ACAP2: variants seen among roughly 807,000 people sequenced by gnomAD.
ACAP2 encodes the protein ArfGAP with coiled-coil, ankyrin repeat and PH domains 2, also known as arf-GAP with coiled-coil, ANK repeat and PH domain-containing protein 2.
In ACAP2, 39 loss-of-function variants were observed where a neutral mutation model predicts 115.8. The observed-to-expected ratio is 0.34, with a 90% CI of 0.26 to 0.44. The LOEUF (loss-of-function observed/expected upper bound fraction) is 0.44, where lower values mean the gene tolerates loss of function less well. Among genes scored for constraint, ACAP2 ranks in the 20% least tolerant of loss-of-function variants. The pLI, the probability that ACAP2 is intolerant of heterozygous loss-of-function variation, is 1.00. For missense variants in ACAP2, 662 were observed against 927.6 expected (o/e 0.71, Z 3.72); for synonymous variants, 289 against 315.8 (o/e 0.92, Z 0.90).
chr3:195,410,944 A>G, intron 1 of ACAP2: 1 of 348,488 alleles, frequency 2.9e-6, no homozygotes, highest in South Asian at 2.2e-5. Context: ...TTGAAAGCAG[A>G]GATAGCTGGC....
chr3:195,372,987 C>CAAAAAAAAAAAAAAAAAAAA (rs869134113), intron 4 of ACAP2, among the ~76,000 whole-genome samples: 16 of 17,768 alleles, frequency 9.0e-4, no homozygotes, highest in African/African-American at 1.3e-3. Context: ...GACTCCATCT[C>CAAAAAAAAAAAAAAAAAAAA]AAAAAAAAAA....
chr3:195,374,995 C>T (rs542567798), intron 4 of ACAP2, among the ~76,000 whole-genome samples: 1 of 152,122 alleles, frequency 6.6e-6, no homozygotes, highest in East Asian at 1.9e-4. Flanking sequence ...AGTTAGAGAC[C>T]AGCTTGGCCA....
Position 195,277,498 on chromosome 3 carries a change from C to T in ACAP2, c.*1830G>A, listed in dbSNP as rs1241459614. ...TTATCCTTATCTAACATACAGTGAC[C>T]ATTACTAAATAAGCATTACATGCAT... On this transcript the variant is annotated 3_prime_UTR_variant, in exon 23 of 23. Coordinates refer to ENST00000326793, the MANE Select transcript of ACAP2 (RefSeq NM_012287.6). 6.6e-6 allele frequency: 1 copy of T among 152,106 alleles called. No homozygotes were observed. The highest frequency in any genetic ancestry group is 2.4e-5 in the African/African-American group (1 of 41,422). 9.4% of individuals were successfully genotyped at this position (152,106 alleles called of 1,614,324 possible).
intron 4 of ACAP2, among the ~76,000 whole-genome samples, chr3:195,378,802 A>C (rs1366664593): frequency 6.6e-6 from 1 of 151,182 alleles, no homozygotes; most frequent in Non-Finnish European, 1.5e-5. Context: ...CGGAGGCTGC[A>C]GTGAGCCAAG....
intron 1 of ACAP2, among the ~76,000 whole-genome samples, chr3:195,415,617 A>G (rs551695854): frequency 1.3e-5 from 2 of 152,294 alleles, no homozygotes; most frequent in South Asian, 2.1e-4. Context: ...TCAGCCAAAA[A>G]AGGTAAGTTC....
intron 9 of ACAP2, among the ~76,000 whole-genome samples, chr3:195,322,883 AT>A (rs1236033291): frequency 2.0e-5 from 3 of 152,246 alleles, no homozygotes; most frequent in Non-Finnish European, 4.4e-5. Context: ...ATCAGCTAAT[AT>A]TTTGTAGTAC....
intron 10 of ACAP2, among the ~76,000 whole-genome samples, chr3:195,317,908 A>G (rs1374787909): frequency 6.6e-6 from 1 of 152,184 alleles, no homozygotes; most frequent in Non-Finnish European, 1.5e-5. Context: ...TTCATAAGTG[A>G]TAAGGACTGG....
In ACAP2 at chr3:195,345,252, G is replaced by C. The variant is rs925317258; in HGVS notation, c.344+7C>G. On this transcript the variant is annotated splice_region_variant and intron_variant, in intron 5 of 22. Coordinates refer to ENST00000326793, the MANE Select transcript of ACAP2 (RefSeq NM_012287.6). ...ATTTTCTTTCCTCTTCACCGCAATT[G>C]ACTTACTCTTTAACAAAGTTCTGAA... 1.2e-6 allele frequency: 2 copies of C among 1,603,384 alleles called. No individual in the cohort carries two copies. The highest frequency in any genetic ancestry group is 1.1e-5 in the South Asian group (1 of 90,444).
In ACAP2 at chr3:195,336,726, G is replaced by T. The variant is rs1276947775; in HGVS notation, c.573+206C>A. Reference sequence around the variant, plus strand: ...AGTCTACCTTTATGGACCTCACAGTGTATCAACAGATGAGACACACAAACA... The same window carrying T: ...AGTCTACCTTTATGGACCTCACAGTTTATCAACAGATGAGACACACAAACA... On this transcript the variant is annotated intron_variant, in intron 7 of 22. Transcript: ENST00000326793. The T allele has an allele frequency of 8.7e-6, 5 of 577,138 alleles. No individual in the cohort carries two copies. In the East Asian group the frequency reaches 1.2e-4, roughly 14 times the overall value. 35.8% of individuals were successfully genotyped at this position (577,138 alleles called of 1,614,324 possible).
chr3:195,402,973 T>C (rs972645684), intron 1 of ACAP2, among the ~76,000 whole-genome samples: 3 of 152,186 alleles, frequency 2.0e-5, no homozygotes, highest in East Asian at 1.9e-4. Context: ...CTATAAACAG[T>C]AAACATCATC....
At chr3:195,382,610 G>C (rs1734023361) in intron 2 of ACAP2, among the ~76,000 whole-genome samples, 1 of 151,836 alleles carries the variant, frequency 6.6e-6, no homozygotes, top group African/African-American at 2.4e-5. Flanking sequence ...TTAAAAAACA[G>C]ATAAAAGTGA....
intron 1 of ACAP2, among the ~76,000 whole-genome samples, chr3:195,434,600 AT>A (rs1715391320): frequency 6.6e-6 from 1 of 152,154 alleles, no homozygotes; most frequent in Admixed American, 6.5e-5. Flanking sequence ...TGGACTAATG[AT>A]TAGGAATCTC....
At chr3:195,300,816 A>T (rs1401646228) in intron 15 of ACAP2, among the ~76,000 whole-genome samples, 1 of 152,188 alleles carries the variant, frequency 6.6e-6, no homozygotes, top group African/African-American at 2.4e-5. Context: ...CAGGAGTACA[A>T]GGCCAGTCTG....
chr3:195,368,154 TTGTTTC>T (rs1732858266), intron 4 of ACAP2, among the ~76,000 whole-genome samples: 1 of 152,188 alleles, frequency 6.6e-6, no homozygotes, highest in Admixed American at 6.5e-5. Flanking sequence ...GGTTTTTTGT[TTGTTTC>T]TGTTTCTGAG....
At chr3:195,380,883 G>A (rs1358527959) in intron 4 of ACAP2, 126 bp downstream of exon 4, 2 of 780,682 alleles carry the variant, frequency 2.6e-6, no homozygotes, top group Non-Finnish European at 4.2e-6. Flanking sequence ...GATTCACCCA[G>A]CTAAAAAGTT....
At chr3:195,323,686 T>C (rs1577299975) in intron 9 of ACAP2, among the ~76,000 whole-genome samples, 1 of 152,154 alleles carries the variant, frequency 6.6e-6, no homozygotes, top group East Asian at 1.9e-4. Context: ...TCTCACTTAT[T>C]TGTGGGATCT....
intron 4 of ACAP2, among the ~76,000 whole-genome samples, chr3:195,349,067 GC>G (rs1389784768): frequency 0.021 from 20 of 962 alleles, no homozygotes; most frequent in Admixed American, 0.089. Context: ...TATGGAACCT[GC>G]AAAAAAAAAA....
rs971914038 is a variant in ACAP2 at position 195,418,132 on chromosome 3, C to T, written c.53+24663G>A. 5.3e-5 allele frequency among the ~76,000 whole-genome samples: 8 copies of T among 152,048 alleles called. No homozygotes were observed. In the South Asian group the frequency reaches 1.7e-3, roughly 32 times the overall value. On this transcript the variant is annotated intron_variant, in intron 1 of 22. Transcript: ENST00000326793. The stretch of plus-strand genomic sequence containing the variant: ...ACTTACAGTTCTCTCTGCCAGAAGC[C>T]CTCTTCTCTTCTTAAACTGTACTTC...
chr3:195,347,788 C>T (rs892198486), intron 4 of ACAP2, among the ~76,000 whole-genome samples: 1 of 152,032 alleles, frequency 6.6e-6, no homozygotes. Context: ...TTGGAGGATC[C>T]CATGAGGCCA....
Sources: allele counts gnomAD v4.1 joint callset (sites outside exome capture counted in the v4.1 genomes callset), GRCh38; gene constraint gnomAD v4.1.1; transcripts MANE v1.5; gene names NCBI Gene and HGNC (gene_info 2026-07-23, HGNC 2026-07-21).